VPS8: variants seen among roughly 807,000 people sequenced by gnomAD.
VPS8 encodes the protein vacuolar protein sorting-associated protein 8 homolog.
A neutral mutation model predicts 216.4 loss-of-function variants in VPS8; 129 were observed. The observed-to-expected ratio is 0.60, with a 90% CI of 0.52 to 0.69. VPS8 has a LOEUF of 0.69. Ranked by LOEUF, VPS8 falls within the 30% of genes least tolerant of loss-of-function variation. VPS8 has a pLI of 0.00. For synonymous variants in VPS8, 571 were observed against 565.4 expected, an observed-to-expected ratio of 1.01 and a Z score of -0.14; for missense variants, 1,531 against 1,683.5, an observed-to-expected ratio of 0.91 and a Z score of 1.59.
At chr3:184,934,845 T>C (rs550767059) in intron 34 of VPS8, among the ~76,000 whole-genome samples, 131 of 152,330 alleles carry the variant, frequency 8.6e-4, no homozygotes, top group African/African-American at 2.9e-3. Flanking sequence ...GGTGTCAAAA[T>C]GTTACTAGCC....
At chr3:185,047,154 C>T (rs1198261011) in intron 46 of VPS8, among the ~76,000 whole-genome samples, 1 of 152,208 alleles carries the variant, frequency 6.6e-6, no homozygotes, top group Non-Finnish European at 1.5e-5. Flanking sequence ...GTTTCTGTAG[C>T]CACATCAGGA....
intron 42 of VPS8, among the ~76,000 whole-genome samples, chr3:184,987,221 C>T (rs1751233951): frequency 6.6e-6 from 1 of 152,150 alleles, no homozygotes; most frequent in African/African-American, 2.4e-5. Flanking sequence ...TCAAGAGATT[C>T]TCATGCGTCA....
chr3:184,871,211 A>ATG, intron 21 of VPS8, among the ~76,000 whole-genome samples: 1 of 151,514 alleles, frequency 6.6e-6, no homozygotes, highest in East Asian at 1.9e-4. Context: ...ACAAATATAT[A>ATG]TATATATATA....
chr3:184,978,664 C>G (rs1469195444), intron 40 of VPS8, among the ~76,000 whole-genome samples: 1 of 152,188 alleles, frequency 6.6e-6, no homozygotes, highest in East Asian at 1.9e-4. Flanking sequence ...CCTCCCAAAG[C>G]TGGGATTACA....
At chr3:184,991,598 C>T (rs913078725) in intron 42 of VPS8, among the ~76,000 whole-genome samples, 2 of 152,158 alleles carry the variant, frequency 1.3e-5, no homozygotes, top group African/African-American at 4.8e-5. Context: ...GTCGAAAACA[C>T]ATGCCAGAGC....
At chr3:184,888,735 A>G (rs1486760029) in intron 22 of VPS8, among the ~76,000 whole-genome samples, 1 of 152,194 alleles carries the variant, frequency 6.6e-6, no homozygotes, top group African/African-American at 2.4e-5. Flanking sequence ...TAATTTATAA[A>G]TGAGATGAAG....
At position 184,849,113 on chromosome 3, in the gene VPS8, T is replaced by C. The variant is rs370140541; in HGVS notation, c.584T>C (p.Val195Ala). ...CGACTCTGTCTGGGTAGCACTAGTG[T>C]TGGAGGTCAGTATGGCGCTATCTCT... ...ALRLCLGSTS[V>A]GGQYGAISAL... The change falls in exon 9 of 48, where the codon GTT becomes GCT. Residue 195 changes from valine (V) to alanine (A), a missense_variant. Coordinates refer to ENST00000625842, the MANE Select transcript of VPS8 (RefSeq NM_001009921.3). The C allele has an allele frequency of 3.7e-5, 60 of 1,613,468 alleles. No individual in the cohort carries two copies. Among genetic ancestry groups the C allele is most frequent in the Middle Eastern group, 1.6e-4 (1 of 6,082 alleles).
rs190544227 is a variant in VPS8, at chr3:184,900,754, G to T, written c.2095-167G>T. On this transcript the variant is annotated intron_variant, in intron 24 of 47. Coordinates refer to ENST00000625842, the MANE Select transcript of VPS8 (RefSeq NM_001009921.3). ...ATATGACAACAGTGATTGTTTCTCA[G>T]TGAGCCTTCTAAACATTTCATGTAC... is the stretch of plus-strand genomic sequence containing the variant. 1.2e-3 allele frequency among the ~76,000 whole-genome samples: 178 copies of T among 152,276 alleles called. 1 individual carries two copies. The highest frequency in any genetic ancestry group is 4.1e-3 in the African/African-American group (171 of 41,546).
In VPS8 at chr3:184,896,937, G is replaced by A. The variant is rs367660782; in HGVS notation, c.2005-1628G>A. On this transcript the variant is annotated intron_variant, in intron 23 of 47. Coordinates refer to ENST00000625842, the MANE Select transcript of VPS8 (RefSeq NM_001009921.3). ...GGAGCTGAATGACAAGAAGGAATCAGTAATGCAAAGATCTTGGAAGAGAAG... is the reference window on the plus strand; with the variant it reads ...GGAGCTGAATGACAAGAAGGAATCAATAATGCAAAGATCTTGGAAGAGAAG... Among the ~76,000 whole-genome samples, 9 of 152,262 alleles carry A rather than the reference G, an allele frequency of 5.9e-5. No individual in the cohort carries two copies. In the East Asian group the frequency reaches 9.6e-4, roughly 16 times the overall value.
intron 10 of VPS8, 94 bp from the exon 11 acceptor site, chr3:184,852,406 G>A (rs1724467572): frequency 5.0e-6 from 5 of 995,950 alleles, no homozygotes; most frequent in Admixed American, 2.4e-5. Context: ...TATTAAATGT[G>A]TATATTGTAG....
intron 22 of VPS8, among the ~76,000 whole-genome samples, chr3:184,892,961 T>G (rs1009602336): frequency 1.3e-5 from 2 of 152,194 alleles, no homozygotes; most frequent in Non-Finnish European, 1.5e-5. Context: ...TTTCTTACAG[T>G]AAAACTCCAT....
intron 7 of VPS8, among the ~76,000 whole-genome samples, chr3:184,842,528 G>A (rs569682613): frequency 6.6e-6 from 1 of 152,208 alleles, no homozygotes; most frequent in Non-Finnish European, 1.5e-5. Context: ...ACTCATTACT[G>A]TTTATAGGAA....
chr3:184,854,234 AT>A, intron 13 of VPS8, 61 bp downstream of exon 13: 1 of 1,570,730 alleles, frequency 6.4e-7, no homozygotes, highest in Non-Finnish European at 8.7e-7. Context: ...GTTGAGAGAG[AT>A]GGCTTGCAAG....
intron 5 of VPS8, 72 bp downstream of exon 5, chr3:184,834,814 CA>C (rs1382444812): frequency 8.7e-7 from 1 of 1,153,012 alleles, no homozygotes; most frequent in East Asian, 2.6e-5. Context: ...GAGCATAGAA[CA>C]AAATACAGCA....
intron 30 of VPS8, among the ~76,000 whole-genome samples, chr3:184,926,376 CAATA>C (rs150917702): frequency 6.8e-4 from 101 of 149,578 alleles, no homozygotes; most frequent in Non-Finnish European, 1.1e-3. Context: ...GACTCTGTCT[CAATA>C]AATAAATAAA....
intron 43 of VPS8, among the ~76,000 whole-genome samples, chr3:184,994,819 G>A (rs1220468203): frequency 6.6e-6 from 1 of 152,168 alleles, no homozygotes; most frequent in African/African-American, 2.4e-5. Flanking sequence ...ACCCAAGACT[G>A]GGCAGTTTAC....
intron 42 of VPS8, among the ~76,000 whole-genome samples, chr3:184,984,943 C>A (rs988479378): frequency 6.6e-6 from 1 of 152,082 alleles, no homozygotes; most frequent in Non-Finnish European, 1.5e-5. Context: ...CTAGAAGTCT[C>A]TTGATATTTG....
At chr3:184,995,901 A>T (rs1257542560) in intron 43 of VPS8, among the ~76,000 whole-genome samples, 2 of 152,232 alleles carry the variant, frequency 1.3e-5, no homozygotes, top group Non-Finnish European at 2.9e-5. Flanking sequence ...ATTACCACGA[A>T]TGCAGTTTCA....
chr3:184,813,598 A>AT (rs1715656963), intron 1 of VPS8: 1 of 152,204 alleles, frequency 6.6e-6, no homozygotes, highest in South Asian at 2.1e-4. Flanking sequence ...TCGTTGAACT[A>AT]CTGGGCTTTA....
Sources: allele counts gnomAD v4.1 joint callset (sites outside exome capture counted in the v4.1 genomes callset), GRCh38; gene constraint gnomAD v4.1.1; transcripts MANE v1.5; gene names NCBI Gene and HGNC (gene_info 2026-07-23, HGNC 2026-07-21).